ENTREP2: variants seen among roughly 807,000 people sequenced by gnomAD.
The protein encoded by ENTREP2 is protein ENTREP2.
chr15:29,528,859 AGATT>A, the ENTREP2 span, among the ~76,000 whole-genome samples: 1 of 152,198 alleles, frequency 6.6e-6, no homozygotes, highest in Non-Finnish European at 1.5e-5. Flanking sequence ...ACAGTTATAT[AGATT>A]ATGTTCATAA....
At chr15:29,641,176 C>A in the ENTREP2 span, among the ~76,000 whole-genome samples, 1 of 152,120 alleles carries the variant, frequency 6.6e-6, no homozygotes, top group Non-Finnish European at 1.5e-5. Context: ...AGTTCCTAAG[C>A]CTGATAAAAA....
At chr15:29,603,644 T>A in the ENTREP2 span, among the ~76,000 whole-genome samples, 17,516 of 152,004 alleles carry the variant, frequency 0.12, 1,111 homozygotes, top group Non-Finnish European at 0.14. Flanking sequence ...TTAATTAATT[T>A]ATTTATTTAT....
chr15:29,657,489 G>GAGGCGGGGGGA, the ENTREP2 span, among the ~76,000 whole-genome samples: 5 of 132,210 alleles, frequency 3.8e-5, 1 homozygote, highest in African/African-American at 1.5e-4. Context: ...GGGGCGGGGG[G>GAGGCGGGGGGA]GGGGGGTGGC....
the ENTREP2 span, among the ~76,000 whole-genome samples, chr15:29,494,590 T>C: frequency 6.6e-6 from 1 of 152,222 alleles, no homozygotes; most frequent in Admixed American, 6.5e-5. Context: ...ATTTTAGTTA[T>C]AGCCACATTA....
At chr15:29,531,519 G>C in the ENTREP2 span, among the ~76,000 whole-genome samples, 1 of 152,026 alleles carries the variant, frequency 6.6e-6, no homozygotes, top group South Asian at 2.1e-4. Context: ...GCCAACCATG[G>C]GGACGGAAGG....
the ENTREP2 span, among the ~76,000 whole-genome samples, chr15:29,225,386 T>C: frequency 6.6e-6 from 1 of 152,224 alleles, no homozygotes; most frequent in African/African-American, 2.4e-5. Context: ...CAAGAAATGC[T>C]AGATGATTAG....
At chr15:29,527,375 T>C in the ENTREP2 span, among the ~76,000 whole-genome samples, 2 of 152,172 alleles carry the variant, frequency 1.3e-5, no homozygotes, top group African/African-American at 4.8e-5. Flanking sequence ...CTTCACATGA[T>C]GCCCCCCAGC....
chr15:29,583,747 T>C, the ENTREP2 span, among the ~76,000 whole-genome samples: 1 of 152,208 alleles, frequency 6.6e-6, no homozygotes, highest in East Asian at 1.9e-4. Context: ...TTCTGAAGAA[T>C]TGTGTTAATG....
chr15:29,502,720 T>A, the ENTREP2 span, among the ~76,000 whole-genome samples: 1 of 151,910 alleles, frequency 6.6e-6, no homozygotes, highest in Non-Finnish European at 1.5e-5. Flanking sequence ...CCAGCATATA[T>A]AAAGGACTCC....
the ENTREP2 span, among the ~76,000 whole-genome samples, chr15:29,384,982 C>G: frequency 0.69 from 104,446 of 151,940 alleles, 36,769 homozygotes; most frequent in Middle Eastern, 0.78. Context: ...CCCATGTCTA[C>G]CAGATGAAAT....
chr15:29,279,084 G>C, the ENTREP2 span, among the ~76,000 whole-genome samples: 7 of 152,140 alleles, frequency 4.6e-5, no homozygotes, highest in Admixed American at 6.5e-5. Flanking sequence ...CCACTGTAAA[G>C]GCCTCATTTT....
the ENTREP2 span, among the ~76,000 whole-genome samples, chr15:29,548,350 A>G: frequency 6.6e-6 from 1 of 151,470 alleles, no homozygotes; most frequent in Non-Finnish European, 1.5e-5. Context: ...CTAGCTACTC[A>G]GAGGCTGAGA....
chr15:29,448,202 G>A, the ENTREP2 span, among the ~76,000 whole-genome samples: 25 of 152,140 alleles, frequency 1.6e-4, no homozygotes, highest in African/African-American at 5.8e-4. Context: ...TGGCCTATAG[G>A]TGGGTCACCA....
At chr15:29,664,525 G>A in the ENTREP2 span, among the ~76,000 whole-genome samples, 2 of 151,808 alleles carry the variant, frequency 1.3e-5, no homozygotes, top group African/African-American at 2.4e-5. Flanking sequence ...TGGGAGACTC[G>A]GAAGCCGCGT....
the ENTREP2 span, among the ~76,000 whole-genome samples, chr15:29,655,301 G>A: frequency 6.6e-6 from 1 of 152,146 alleles, no homozygotes; most frequent in African/African-American, 2.4e-5. Context: ...TAAAACTAGA[G>A]AATTTTGAAT....
At chr15:29,341,155 A>G in the ENTREP2 span, among the ~76,000 whole-genome samples, 1 of 152,216 alleles carries the variant, frequency 6.6e-6, no homozygotes, top group East Asian at 1.9e-4. Context: ...TAGAGTAGAC[A>G]TGTCCTGCCC....
At chr15:29,576,693 C>T in the ENTREP2 span, among the ~76,000 whole-genome samples, 12 of 152,316 alleles carry the variant, frequency 7.9e-5, no homozygotes, top group Middle Eastern at 3.4e-3. Context: ...AGAAGATAAA[C>T]GAGTGTCCTG....
At chr15:29,484,231 C>A in the ENTREP2 span, among the ~76,000 whole-genome samples, 6 of 152,168 alleles carry the variant, frequency 3.9e-5, no homozygotes, top group Non-Finnish European at 8.8e-5. Context: ...CAGAAAGCTA[C>A]CCTATGGCCC....
chr15:29,134,200 T>C, the ENTREP2 span, among the ~76,000 whole-genome samples: 2 of 152,166 alleles, frequency 1.3e-5, no homozygotes, highest in African/African-American at 4.8e-5. Flanking sequence ...CTAAACAACA[T>C]TGGGAAGGCA....
Sources: gnomAD v4.1 joint callset for allele counts (sites outside exome capture counted in the v4.1 genomes callset) on GRCh38, gnomAD v4.1.1 for gene constraint, MANE v1.5 for transcripts, NCBI Gene and HGNC (gene_info 2026-07-23, HGNC 2026-07-21) for gene names.